Variants in STX16 observed in about 807,000 individuals in gnomAD.
STX16 encodes the protein syntaxin 16.
Under a neutral mutation model 42.7 loss-of-function variants are expected in STX16, and 28 were observed. The observed-to-expected ratio is 0.66, with a 90% CI of 0.49 to 0.90. The LOEUF is 0.90. STX16 is among the 40% of genes least tolerant of loss of function. The pLI is 0.00. For synonymous variants in STX16, 156 were observed against 155.2 expected (o/e 1.00, Z -0.04); for missense variants, 361 against 420.9 (o/e 0.86, Z 1.24).
rs771102032 is a variant in STX16, at chr20:58,671,282, G to A, written c.777G>A (p.Ala259=). The change falls in exon 7 of 9, where the codon GCG becomes GCA. Residue 259 remains alanine (A), a synonymous_variant. Coordinates refer to ENST00000371141, the MANE Select transcript of STX16 (RefSeq NM_001001433.3). ...DLNEIFRDLG[A]MIVEQGTVLD... ...ATGAAATATTCAGGGACTTAGGGGC[G>A]ATGATTGTAGAACAGGTACGTGAGC... The A allele has an allele frequency of 3.7e-6, 6 of 1,612,318 alleles. No individual in the cohort carries two copies. Among genetic ancestry groups the A allele is most frequent in the African/African-American group, 1.3e-5 (1 of 74,936 alleles).
At chr20:58,676,086 C>T (rs780601043) in intron 8 of STX16, 101 bp from the exon 9 acceptor site, 4 of 892,698 alleles carry the variant, frequency 4.5e-6, no homozygotes, top group Non-Finnish European at 7.4e-6. Flanking sequence ...AGACCTCAGT[C>T]ACTGTGCAGA....
intron 2 of STX16, among the ~76,000 whole-genome samples, chr20:58,661,414 T>G (rs2083695782): frequency 6.6e-6 from 1 of 152,256 alleles, no homozygotes; most frequent in Non-Finnish European, 1.5e-5. Context: ...AAAGGGAGTC[T>G]TCACGCTCTG....
At chr20:58,658,549 T>C (rs190340603) in intron 1 of STX16, among the ~76,000 whole-genome samples, 1 of 152,342 alleles carries the variant, frequency 6.6e-6, no homozygotes, top group East Asian at 1.9e-4. Flanking sequence ...CATTGTTTAA[T>C]AATATTTTGA....
chr20:58,661,289 G>A (rs978154976), intron 2 of STX16, among the ~76,000 whole-genome samples: 4 of 152,218 alleles, frequency 2.6e-5, no homozygotes, highest in African/African-American at 7.2e-5. Flanking sequence ...TGTCTGAACC[G>A]ATTTCCAGTC....
At chr20:58,675,150 C>T (rs746326597) in intron 8 of STX16, among the ~76,000 whole-genome samples, 1 of 152,104 alleles carries the variant, frequency 6.6e-6, no homozygotes, top group Non-Finnish European at 1.5e-5. Context: ...GAGCTGCTCC[C>T]CATGACCGGA....
intron 4 of STX16, 117 bp from the exon 5 acceptor site, chr20:58,669,174 C>T (rs2083909176): frequency 9.1e-7 from 1 of 1,104,254 alleles, no homozygotes. Context: ...TCACCTTTCT[C>T]TAAACCAGAC....
At chr20:58,675,084 G>A (rs945280676) in intron 8 of STX16, among the ~76,000 whole-genome samples, 1 of 152,118 alleles carries the variant, frequency 6.6e-6, no homozygotes, top group Non-Finnish European at 1.5e-5. Context: ...CCACAAGGCT[G>A]TAGGCAGCAC....
At chr20:58,652,371 A>ACCCCCCCCCCCCCCCCCCCC (rs11481928) in intron 1 of STX16, 38 of 462,010 alleles carry the variant, frequency 8.2e-5, no homozygotes, top group African/African-American at 4.2e-4. Flanking sequence ...CTTCCGCAGC[A>ACCCCCCCCCCCCCCCCCCCC]CCCCCCCCCC....
rs138647604 is a variant in STX16 at position 58,669,353 on chromosome 20, G to T, written c.456G>T (p.Glu152Asp). ...CGAGCCGGGCCCGGGCCTGCTCCGA[G>T]CAGGAGGGGCGGCTGCTTGGGAACG... ...ALPSRARACS[E>D]QEGRLLGNVV... The change falls in exon 5 of 9, where the codon GAG becomes GAT. Residue 152 changes from glutamate to aspartate, a missense_variant. Coordinates refer to ENST00000371141, the MANE Select transcript of STX16 (RefSeq NM_001001433.3). The T allele has an allele frequency of 9.6e-4, 1,552 of 1,612,058 alleles. 5 individuals are homozygous for T. The highest frequency in any genetic ancestry group is 4.1e-3 in the Middle Eastern group (25 of 6,046).
chr20:58,659,705 T>G (rs1410173665), intron 2 of STX16, 71 bp downstream of exon 2: 1 of 1,525,548 alleles, frequency 6.6e-7, no homozygotes, highest in Non-Finnish European at 9.0e-7. Context: ...TCCTGAAGTC[T>G]TTGCTCATAT....
chr20:58,669,270 G>T, intron 4 of STX16, 21 bp from the exon 5 acceptor site: 1 of 1,607,414 alleles, frequency 6.2e-7, no homozygotes, highest in South Asian at 1.1e-5. Flanking sequence ...CTTGCCCTGA[G>T]CCTCGGGCTT....
In STX16 at chr20:58,671,136, T is replaced by G. The variant is rs910176347; in HGVS notation, c.649-18T>G. ...AGGGAAAACAATCTATCCAACACATTGTGCACTGTCTTGCTAGGGTTTTAC... is the reference window on the plus strand; with the variant it reads ...AGGGAAAACAATCTATCCAACACATGGTGCACTGTCTTGCTAGGGTTTTAC... On this transcript the variant is annotated intron_variant, in intron 6 of 8. Coordinates refer to ENST00000371141, the MANE Select transcript of STX16 (RefSeq NM_001001433.3). 6 of 1,609,218 alleles carry G rather than the reference T, an allele frequency of 3.7e-6. No homozygotes were observed. The highest frequency in any genetic ancestry group is 5.1e-6 in the Non-Finnish European group (6 of 1,177,004).
chr20:58,673,396 G>A (rs1006074836), intron 7 of STX16, among the ~76,000 whole-genome samples: 1 of 152,180 alleles, frequency 6.6e-6, no homozygotes, highest in African/African-American at 2.4e-5. Flanking sequence ...ACCTCAGTCT[G>A]TCAGTACTTC....
At chr20:58,662,906 C>T (rs559054124) in intron 2 of STX16, among the ~76,000 whole-genome samples, 9 of 152,292 alleles carry the variant, frequency 5.9e-5, no homozygotes, top group South Asian at 2.1e-4. Context: ...AAAATTATTA[C>T]GGGTTTAGAA....
At chr20:58,663,237 G>A (rs1174156234) in intron 2 of STX16, among the ~76,000 whole-genome samples, 2 of 152,216 alleles carry the variant, frequency 1.3e-5, no homozygotes, top group African/African-American at 2.4e-5. Flanking sequence ...CAGAGGCTTT[G>A]CTATTTCTGT....
chr20:58,675,765 C>T (rs1292487318), intron 8 of STX16, among the ~76,000 whole-genome samples: 1 of 152,208 alleles, frequency 6.6e-6, no homozygotes, highest in African/African-American at 2.4e-5. Context: ...TCCTCCAGCC[C>T]GTTGTTTCCT....
In STX16 at chr20:58,671,343, A is replaced by G. The variant is rs970437369; in HGVS notation, c.792+46A>G. On this transcript the variant is annotated intron_variant, in intron 7 of 8. Transcript: ENST00000371141. ...CGTGAATAGGTTTTCCTGCCATACT[A>G]TCTGTACCTTCTTTTTCCTGTACTC... 5.2e-6 allele frequency: 8 copies of G among 1,551,046 alleles called. No individual in the cohort carries two copies. In the Admixed American group the frequency reaches 9.4e-5, roughly 18 times the overall value.
At chr20:58,653,673 T>TCAGTAATG (rs2122889458) in intron 1 of STX16, among the ~76,000 whole-genome samples, 1 of 152,330 alleles carries the variant, frequency 6.6e-6, no homozygotes, top group South Asian at 2.1e-4. Context: ...TAATGGAACT[T>TCAGTAATG]CAGTAATGTT....
At position 58,669,320 on chromosome 20, in the gene STX16, G is replaced by T. The variant is rs780134166; in HGVS notation, c.423G>T (p.Gln141His). The T allele has an allele frequency of 1.1e-5, 17 of 1,611,248 alleles. No individual in the cohort carries two copies. The highest frequency in any genetic ancestry group is 1.7e-5 in the Admixed American group (1 of 59,944). ...QLFHRCQRAV[Q>H]ALPSRARACS... ...TCCACAGGTGCCAGCGTGCCGTGCAGGCCCTGCCGAGCCGGGCCCGGGCCT... is the reference window on the plus strand; with the variant it reads ...TCCACAGGTGCCAGCGTGCCGTGCATGCCCTGCCGAGCCGGGCCCGGGCCT... Residue 141 changes from glutamine to histidine, a missense_variant, in exon 5 of 9, where the codon CAG (glutamine) becomes CAT (histidine). By Grantham distance (24) the Gln-to-His change is conservative (BLOSUM62 0). Transcript: ENST00000371141.
Sources: allele counts gnomAD v4.1 joint callset (sites outside exome capture counted in the v4.1 genomes callset), GRCh38; gene constraint gnomAD v4.1.1; transcripts MANE v1.5; gene names NCBI Gene and HGNC (gene_info 2026-07-23, HGNC 2026-07-21).